Variants in KDM2B observed in about 807,000 individuals in gnomAD.
The protein encoded by KDM2B is lysine demethylase 2B.
Under a neutral mutation model 150.0 loss-of-function variants are expected in KDM2B, and 26 were observed. The ratio of observed to expected loss-of-function variants is 0.17; its 90% confidence interval spans 0.13 to 0.24. The LOEUF is 0.24. KDM2B is among the 10% of genes least tolerant of loss of function. KDM2B has a pLI of 1.00. For synonymous variants in KDM2B, 734 were observed against 729.5 expected (o/e 1.01, Z -0.10); for missense variants, 1,265 against 1,816.9 (o/e 0.70, Z 5.52).
intron 12 of KDM2B, among the ~76,000 whole-genome samples, chr12:121,488,788 A>AT (rs528064009): frequency 1.6e-3 from 246 of 149,530 alleles, no homozygotes; most frequent in Non-Finnish European, 2.9e-3. Flanking sequence ...GGCCTGGCTA[A>AT]TTTTTTTTGG....
intron 12 of KDM2B, among the ~76,000 whole-genome samples, chr12:121,455,556 T>C (rs1317439541): frequency 6.6e-6 from 1 of 151,940 alleles, no homozygotes; most frequent in Non-Finnish European, 1.5e-5. Context: ...ATTTTTAAAA[T>C]TAGCCAGGTG....
chr12:121,416,851 A>G, the KDM2B span, among the ~76,000 whole-genome samples: 1 of 152,224 alleles, frequency 6.6e-6, no homozygotes. Context: ...TCAGAGACCC[A>G]TCATATTGGT....
the KDM2B span, chr12:121,423,501 G>C: frequency 1.1e-5 from 17 of 1,614,224 alleles, no homozygotes; most frequent in Admixed American, 1.7e-5. This position sits in a 1 kb window ranked among gnomAD's most constrained non-coding sequence, Gnocchi z 4.3. Flanking sequence ...CCTGCACCAA[G>C]TGCGGCAAGC....
At chr12:121,479,299 C>T (rs1555297408) in intron 12 of KDM2B, among the ~76,000 whole-genome samples, 2 of 149,492 alleles carry the variant, frequency 1.3e-5, no homozygotes, top group Non-Finnish European at 3.0e-5. Context: ...CCCGCCGTCT[C>T]TACTAAAAAT....
rs112342515 is a variant in KDM2B, at chr12:121,444,929, G to A, written c.2103+346C>T. On this transcript the variant is annotated intron_variant, in intron 14 of 22. Coordinates refer to ENST00000377071, the MANE Select transcript of KDM2B (RefSeq NM_032590.5). The stretch of plus-strand genomic sequence containing the variant: ...TGGGTGCTGGGGGAAGGAGTGTGGT[G>A]TGGGGCCTTGTTCTCCCAGAAGCCT... The A allele has an allele frequency of 6.4e-3, 2,596 of 407,052 alleles. 66 individuals are homozygous for A. The highest frequency in any genetic ancestry group is 0.047 in the African/African-American group (2,369 of 50,098). The allele number at this position is 407,052 out of a possible 1,614,324, so 25.2% of individuals were successfully genotyped here.
chr12:121,481,683 C>A (rs1296752026), intron 12 of KDM2B, among the ~76,000 whole-genome samples: 2 of 152,144 alleles, frequency 1.3e-5, no homozygotes, highest in Non-Finnish European at 2.9e-5. Flanking sequence ...GGTTATAGTA[C>A]CTGCGTGGCT....
At position 121,455,837 on chromosome 12, in the gene KDM2B, C is replaced by T. The variant is rs146822064; in HGVS notation, c.1735-2493G>A. On this transcript the variant is annotated intron_variant, in intron 12 of 22. Coordinates refer to ENST00000377071, the MANE Select transcript of KDM2B (RefSeq NM_032590.5). ...ACACTACACACATCCATCCGAGTCA[C>T]GTCTGGCTGCCCACGTGAGAAGTAA... Among the ~76,000 whole-genome samples, 870 of 152,354 alleles carry T rather than the reference C, an allele frequency of 5.7e-3. 5 individuals carry two copies. Among genetic ancestry groups the T allele is most frequent in the African/African-American group, 0.02 (843 of 41,582 alleles).
intron 2 of KDM2B, among the ~76,000 whole-genome samples, chr12:121,576,525 TC>T (rs1429772913): frequency 6.6e-6 from 1 of 151,938 alleles, no homozygotes; most frequent in Non-Finnish European, 1.5e-5. Flanking sequence ...GGAGGGAGGC[TC>T]CCCAGGGGAA....
downstream of KDM2B, among the ~76,000 whole-genome samples, chr12:121,427,869 G>C (rs1186119860): frequency 6.6e-6 from 1 of 152,120 alleles, no homozygotes. Flanking sequence ...GAGTGACTAC[G>C]GGATCCGTTC....
intron 4 of KDM2B, among the ~76,000 whole-genome samples, chr12:121,572,822 A>ATT (rs33946368): frequency 7.0e-5 from 7 of 100,196 alleles, no homozygotes; most frequent in East Asian, 2.7e-4. Flanking sequence ...ACCTGGATAA[A>ATT]TTTTTTTTTT....
At chr12:121,512,499 T>C (rs1555304185) in intron 10 of KDM2B, among the ~76,000 whole-genome samples, 1 of 151,282 alleles carries the variant, frequency 6.6e-6, no homozygotes, top group Non-Finnish European at 1.5e-5. Flanking sequence ...GACAGACCAG[T>C]CTCATCTTTC....
chr12:121,531,110 C>G (rs181603753), intron 8 of KDM2B, among the ~76,000 whole-genome samples: 5 of 151,958 alleles, frequency 3.3e-5, no homozygotes, highest in Non-Finnish European at 5.9e-5. Flanking sequence ...ACCTCCTTCC[C>G]GAGTCTCCAC....
intron 12 of KDM2B, among the ~76,000 whole-genome samples, chr12:121,454,309 G>A (rs1438481441): frequency 6.6e-6 from 1 of 152,342 alleles, no homozygotes; most frequent in South Asian, 2.1e-4. Context: ...GGATGGGATA[G>A]TAACCTTTAG....
In KDM2B at chr12:121,549,456, C is replaced by A; in HGVS notation, c.576+4G>T. 6.3e-7 allele frequency: 1 copy of A among 1,589,072 alleles called. No individual in the cohort carries two copies. The highest frequency in any genetic ancestry group is 1.7e-5 in the Admixed American group (1 of 58,638). On this transcript the variant is annotated splice_donor_region_variant and intron_variant, in intron 5 of 22. Transcript: ENST00000377071. This position sits in a 1 kb window ranked among gnomAD's most constrained non-coding sequence, Gnocchi z 4.4. ...TGGGGAGGGTACCTGGGCCCCGGACCTACCACAGTCGGACGCTTGACCAAG... is the reference window on the plus strand; with the variant it reads ...TGGGGAGGGTACCTGGGCCCCGGACATACCACAGTCGGACGCTTGACCAAG...
At chr12:121,510,727 A>T (rs1300466918) in intron 10 of KDM2B, among the ~76,000 whole-genome samples, 2 of 151,974 alleles carry the variant, frequency 1.3e-5, no homozygotes, top group African/African-American at 4.8e-5. Context: ...TGGGAGGTGG[A>T]GGCTGCAGTA....
Position 121,442,364 on chromosome 12 carries a change from G to A in KDM2B, c.3077C>T (p.Pro1026Leu). The A allele has an allele frequency of 1.9e-6, 3 of 1,584,034 alleles. No homozygotes were observed. Among genetic ancestry groups the A allele is most frequent in the Non-Finnish European group, 2.6e-6 (3 of 1,162,604 alleles). The change falls in exon 19 of 23, where the codon CCC becomes CTC. Residue 1026 changes from proline to leucine, a missense_variant. Physicochemically the swap from Pro to Leu is moderately conservative, Grantham distance 98 (BLOSUM62 -3). Around this residue, in one of 11 missense-constraint regions of KDM2B, gnomAD observed 418 missense variants for 402.4 expected, o/e 1.04. Coordinates refer to ENST00000377071, the MANE Select transcript of KDM2B (RefSeq NM_032590.5). The surrounding 1 kb of genome is among the most constrained non-coding windows in gnomAD (Gnocchi z 7.7). ...LRSPPRVISR[P>L]PPSVSPPKCI... ...CTTGGGCGGGGACACGGAGGGTGGG[G>A]GCCGGGAGATGACACGGGGCGGGCT...
In KDM2B at chr12:121,440,023, T is replaced by G. The variant is rs782774844; in HGVS notation, c.3663A>C (p.Ala1221=). ...KLRNIVELRL[A]GLDITDASLR... ...GGGAGGCATCTGTGATGTCCAGGCC[T>G]GCCAGGCGCAGCTCCACGATGTTCC... is the stretch of plus-strand genomic sequence containing the variant. Residue 1221 remains alanine (A), a synonymous_variant, in exon 22 of 23, where the codon GCA becomes GCC. Transcript: ENST00000377071. 10 of 1,613,686 alleles carry G rather than the reference T, an allele frequency of 6.2e-6. No homozygotes were observed. The highest frequency in any genetic ancestry group is 2.5e-6 in the Non-Finnish European group (3 of 1,179,960).
At chr12:121,558,142 G>A (rs1419977100) in intron 4 of KDM2B, among the ~76,000 whole-genome samples, 2 of 152,174 alleles carry the variant, frequency 1.3e-5, no homozygotes, top group Non-Finnish European at 2.9e-5. Flanking sequence ...TGTCTTGATC[G>A]CTACTCTAGT....
chr12:121,450,855 C>T (rs1288791010), intron 13 of KDM2B, among the ~76,000 whole-genome samples: 1 of 80,306 alleles, frequency 1.2e-5, no homozygotes, highest in African/African-American at 9.3e-5. Flanking sequence ...AGCAAGACTC[C>T]ATCAAAAAAA....
Sources: allele counts gnomAD v4.1 joint callset (sites outside exome capture counted in the v4.1 genomes callset), GRCh38; gene constraint gnomAD v4.1.1; regional missense constraint gnomAD v4.1.1; non-coding constraint Gnocchi (gnomAD v3.1); transcripts MANE v1.5; gene names NCBI Gene and HGNC (gene_info 2026-07-23, HGNC 2026-07-21).